DACH1: variants seen among roughly 807,000 people sequenced by gnomAD.
DACH1 encodes the protein dachshund homolog 1.
Under a neutral mutation model 54.2 loss-of-function variants are expected in DACH1, and 12 were observed. The observed-to-expected ratio is 0.22, with a 90% CI of 0.14 to 0.36. DACH1 has a LOEUF of 0.36. Among genes scored for constraint, DACH1 ranks in the 10% least tolerant of loss-of-function variants. DACH1 has a pLI of 1.00. For missense variants in DACH1, 805 were observed against 929.8 expected, an observed-to-expected ratio of 0.87 and a Z score of 1.75; for synonymous variants, 386 against 366.2, an observed-to-expected ratio of 1.05 and a Z score of -0.62.
chr13:71,611,832 T>G (rs1566377421), intron 3 of DACH1, among the ~76,000 whole-genome samples: 1 of 152,170 alleles, frequency 6.6e-6, no homozygotes, highest in Non-Finnish European at 1.5e-5. Context: ...CTTTTTTGCC[T>G]CCTTTTTATT....
intron 1 of DACH1, among the ~76,000 whole-genome samples, chr13:71,786,815 TTTC>T (rs1324132279): frequency 2.6e-5 from 4 of 152,272 alleles, no homozygotes; most frequent in South Asian, 4.1e-4. Context: ...TTTTCTAATG[TTTC>T]TTCTTCTTTT....
intron 3 of DACH1, among the ~76,000 whole-genome samples, chr13:71,614,274 A>ATCCAGAAT (rs1293090401): frequency 6.6e-6 from 1 of 152,196 alleles, no homozygotes; most frequent in Non-Finnish European, 1.5e-5. Context: ...GGTTTTGTCT[A>ATCCAGAAT]TCCAGAATTC....
At chr13:71,533,686 T>C (rs1882567094) in intron 6 of DACH1, among the ~76,000 whole-genome samples, 1 of 151,868 alleles carries the variant, frequency 6.6e-6, no homozygotes, top group Non-Finnish European at 1.5e-5. Flanking sequence ...TCTTCCTTTC[T>C]TGCTTTCTCT....
intron 6 of DACH1, among the ~76,000 whole-genome samples, chr13:71,498,786 A>C (rs892958151): frequency 1.3e-5 from 2 of 152,116 alleles, no homozygotes; most frequent in Admixed American, 1.3e-4. Context: ...CAGGAACCCC[A>C]ATTCCCTGAA....
At chr13:71,494,750 T>C (rs2138216438) in intron 6 of DACH1, among the ~76,000 whole-genome samples, 1 of 152,090 alleles carries the variant, frequency 6.6e-6, no homozygotes, top group Admixed American at 6.5e-5. Flanking sequence ...ACATTGATAA[T>C]TATAACAACA....
chr13:71,633,609 C>CACACAT (rs1227372831), intron 2 of DACH1, among the ~76,000 whole-genome samples: 1 of 152,036 alleles, frequency 6.6e-6, no homozygotes, highest in African/African-American at 2.4e-5. Context: ...CTGACACACA[C>CACACAT]ACACACACAC....
At chr13:71,834,755 A>G (rs1888718137) in intron 1 of DACH1, among the ~76,000 whole-genome samples, 1 of 152,068 alleles carries the variant, frequency 6.6e-6, no homozygotes, top group African/African-American at 2.4e-5. Flanking sequence ...CTTTAATACG[A>G]TATTGGGAAT....
At position 71,866,784 on chromosome 13, in the gene DACH1, G is replaced by A; in HGVS notation, c.-15C>T. 6 of 1,321,584 alleles carry A rather than the reference G, an allele frequency of 4.5e-6. No homozygotes were observed. Among genetic ancestry groups the A allele is most frequent in the Non-Finnish European group, 5.8e-6 (6 of 1,026,864 alleles). 81.9% of individuals were successfully genotyped at this position (1,321,584 alleles called of 1,614,324 possible). On this transcript the variant is annotated 5_prime_UTR_variant, in exon 1 of 11. Transcript: ENST00000613252. ...GGCACTGCCATGGTCACATATAAGG[G>A]GAAACAGACGGAGGAGAAGCGAGAG... is the stretch of plus-strand genomic sequence containing the variant.
At chr13:71,732,538 C>T (rs1012894598) in intron 1 of DACH1, among the ~76,000 whole-genome samples, 5 of 150,144 alleles carry the variant, frequency 3.3e-5, no homozygotes, top group African/African-American at 7.4e-5. Context: ...TGAGCTGAGA[C>T]CACGCCACTG....
chr13:71,533,204 A>T (rs1484940125), intron 6 of DACH1, among the ~76,000 whole-genome samples: 6 of 151,774 alleles, frequency 4.0e-5, no homozygotes, highest in African/African-American at 1.4e-4. Flanking sequence ...AGCGTATAAG[A>T]TTTTTTTCCT....
chr13:71,484,679 T>C (rs1346813360), intron 7 of DACH1, among the ~76,000 whole-genome samples: 2 of 152,216 alleles, frequency 1.3e-5, no homozygotes, highest in Non-Finnish European at 1.5e-5. Context: ...CTTATTTTAA[T>C]GTTTGTAAGC....
At chr13:71,635,783 T>C (rs577255829) in intron 2 of DACH1, among the ~76,000 whole-genome samples, 34 of 152,206 alleles carry the variant, frequency 2.2e-4, no homozygotes, top group African/African-American at 8.2e-4. Flanking sequence ...TTTACATTTT[T>C]CTTTTCTTTT....
chr13:71,627,150 G>C (rs1876707887), intron 3 of DACH1, among the ~76,000 whole-genome samples: 1 of 151,844 alleles, frequency 6.6e-6, no homozygotes. Flanking sequence ...CATTGTCAAA[G>C]CTTTCTTTAA....
At chr13:71,675,708 G>C (rs1216260193) in intron 2 of DACH1, among the ~76,000 whole-genome samples, 2 of 152,120 alleles carry the variant, frequency 1.3e-5, no homozygotes, top group Non-Finnish European at 2.9e-5. Context: ...AAGCATTAAT[G>C]CAAGTTAAAA....
At chr13:71,701,993 G>C (rs1882159461) in intron 1 of DACH1, among the ~76,000 whole-genome samples, 1 of 152,088 alleles carries the variant, frequency 6.6e-6, no homozygotes, top group African/African-American at 2.4e-5. Context: ...TTCAGTTTCT[G>C]TTATCTGTCT....
intron 1 of DACH1, among the ~76,000 whole-genome samples, chr13:71,856,219 G>A (rs1475193881): frequency 6.6e-6 from 1 of 151,882 alleles, no homozygotes; most frequent in African/African-American, 2.4e-5. Context: ...TTCCCATGGG[G>A]TAACTTGTAT....
At position 71,482,799 on chromosome 13, in the gene DACH1, T is replaced by TG. The variant is rs1353409857; in HGVS notation, c.1723-3484_1723-3483insC. The stretch of plus-strand genomic sequence containing the variant: ...AGTACAGTATCAACTGACAGTTTTT[T>TG]TTTTTTTTTTTTTTTTTGAGATGGA... On this transcript the variant is annotated intron_variant, in intron 7 of 10. Transcript: ENST00000613252. Among the ~76,000 whole-genome samples the TG allele has an allele frequency of 1.0e-3, 149 of 146,764 alleles. 1 individual carries two copies. Among genetic ancestry groups the TG allele is most frequent in the African/African-American group, 3.7e-3 (146 of 39,818 alleles).
chr13:71,576,498 T>G (rs534177802), intron 3 of DACH1, among the ~76,000 whole-genome samples: 1 of 152,268 alleles, frequency 6.6e-6, no homozygotes, highest in African/African-American at 2.4e-5. Flanking sequence ...TGGCTCACCC[T>G]CACTTGATAT....
chr13:71,539,174 A>G (rs1566325430), intron 6 of DACH1, among the ~76,000 whole-genome samples: 1 of 152,054 alleles, frequency 6.6e-6, no homozygotes, highest in Non-Finnish European at 1.5e-5. Context: ...TGTTGTATAA[A>G]AACACTCTCA....
Sources: gnomAD v4.1 joint callset for allele counts (sites outside exome capture counted in the v4.1 genomes callset) on GRCh38, gnomAD v4.1.1 for gene constraint, MANE v1.5 for transcripts, NCBI Gene and HGNC (gene_info 2026-07-23, HGNC 2026-07-21) for gene names.